GPR17: variants seen among roughly 807,000 people sequenced by gnomAD.
GPR17 encodes G protein-coupled receptor 17.
A neutral mutation model predicts 1.5 loss-of-function variants in GPR17; 4 were observed. The observed-to-expected ratio is 2.73, with a 90% CI of 1.35 to 6.25. The LOEUF (loss-of-function observed/expected upper bound fraction) is 6.25, where lower values mean the gene tolerates loss of function less well. GPR17 is among the 30% of genes most tolerant of loss of function. The pLI is 0.00. For missense variants in GPR17, 463 were observed against 462.1 expected, an observed-to-expected ratio of 1.00 and a Z score of -0.02; for synonymous variants, 209 against 207.6, an observed-to-expected ratio of 1.01 and a Z score of -0.06.
At position 127,648,693 on chromosome 2, in the gene GPR17, G is replaced by A. The variant is rs535776178; in HGVS notation, c.-20-2023G>A. ...AAGGAGCACTTTGGGAGGCCAAGGA[G>A]AGAGGATCACTTGAGCCCAGGAGTT... On this transcript the variant is annotated intron_variant, in intron 1 of 1. Coordinates refer to ENST00000486700, the MANE Select transcript of GPR17 (RefSeq NM_001161417.2). 3.9e-5 allele frequency among the ~76,000 whole-genome samples: 6 copies of A among 152,168 alleles called. No homozygotes were observed. The East Asian group carries it at 1.2e-3, about 30-fold the overall frequency.
intron 1 of GPR17, chr2:127,649,887 T>C (rs1483487951): frequency 6.4e-6 from 5 of 780,368 alleles, no homozygotes; most frequent in Non-Finnish European, 8.4e-6. Flanking sequence ...GTAAAATGGG[T>C]CTTCCCCTCC....
chr2:127,650,972 G>A lies in GPR17; in HGVS notation c.237G>A (p.Ser79=), dbSNP rs560171965. ...TGCATCTGGCCGTGGCCGACTTGTC[G>A]TGCGTGCTGGTCCTGCCCACCCGCC... ...FLMHLAVADL[S]CVLVLPTRLV... The change falls in exon 2 of 2, where the codon TCG becomes TCA. Residue 79 remains serine (S), a synonymous_variant. Coordinates refer to ENST00000486700, the MANE Select transcript of GPR17 (RefSeq NM_001161417.2). 95 of 1,613,782 alleles carry A rather than the reference G, an allele frequency of 5.9e-5. No homozygotes were observed. Among genetic ancestry groups the A allele is most frequent in the Admixed American group, 3.5e-4 (21 of 60,034 alleles).
intron 1 of GPR17, among the ~76,000 whole-genome samples, chr2:127,649,651 C>T (rs1445376966): frequency 1.3e-5 from 2 of 152,218 alleles, no homozygotes; most frequent in African/African-American, 4.8e-5. Context: ...TCTCCTTCTT[C>T]AATCTTCTGA....
rs1683730116 is a variant in GPR17, at chr2:127,651,166, G to A, written c.431G>A (p.Arg144Lys). The change falls in exon 2 of 2, where the codon AGG (arginine) becomes AAG (lysine). Residue 144 changes from arginine (R) to lysine (K), a missense_variant. By Grantham distance (26) the Arg-to-Lys change is conservative. Coordinates refer to ENST00000486700, the MANE Select transcript of GPR17 (RefSeq NM_001161417.2). The stretch of plus-strand genomic sequence containing the variant: ...CCGGTCAAGTCCCTCAAGCTCCGCA[G>A]GCCCCTCTACGCACACCTGGCCTGT... ...VHPVKSLKLR[R>K]PLYAHLACAF... The A allele has an allele frequency of 6.2e-7, 1 of 1,612,640 alleles. No individual in the cohort carries two copies. The highest frequency in any genetic ancestry group is 1.3e-5 in the African/African-American group (1 of 74,934).
rs1470689120 is a variant in GPR17, at chr2:127,651,148, A to G, written c.413A>G (p.Lys138Arg). 1 of 1,613,188 alleles carries G rather than the reference A, an allele frequency of 6.2e-7. No individual in the cohort carries two copies. Reference sequence around the variant, plus strand: ...TTCCTGGCCATTGTGCACCCGGTCAAGTCCCTCAAGCTCCGCAGGCCCCTC... The same window carrying G: ...TTCCTGGCCATTGTGCACCCGGTCAGGTCCCTCAAGCTCCGCAGGCCCCTC... Reference protein sequence around the residue: ...DRFLAIVHPVKSLKLRRPLYA... With the variant: ...DRFLAIVHPVRSLKLRRPLYA... Residue 138 changes from lysine (K) to arginine (R), a missense_variant, in exon 2 of 2, where the codon AAG becomes AGG. Physicochemically the swap from Lys to Arg is conservative, Grantham distance 26 (BLOSUM62 2). Coordinates refer to ENST00000486700, the MANE Select transcript of GPR17 (RefSeq NM_001161417.2).
In GPR17 at chr2:127,650,979, C is replaced by T. The variant is rs1683705603; in HGVS notation, c.244C>T (p.Leu82=). 1 of 1,613,840 alleles carries T rather than the reference C, an allele frequency of 6.2e-7. No individual in the cohort carries two copies. The highest frequency in any genetic ancestry group is 8.5e-7 in the Non-Finnish European group (1 of 1,180,044). ...GGCCGTGGCCGACTTGTCGTGCGTG[C>T]TGGTCCTGCCCACCCGCCTGGTCTA... ...HLAVADLSCV[L]VLPTRLVYHF... Residue 82 remains leucine, a synonymous_variant, in exon 2 of 2, where the codon CTG becomes TTG. Coordinates refer to ENST00000486700, the MANE Select transcript of GPR17 (RefSeq NM_001161417.2).
Position 127,650,872 on chromosome 2 carries a change from T to C in GPR17, c.137T>C (p.Leu46Ser), listed in dbSNP as rs1391844734. ...TACCTTCTGGATTTTATCCTGGCTTTAGTTGGCAATACCCTGGCTCTGTGG... is the reference window on the plus strand; with the variant it reads ...TACCTTCTGGATTTTATCCTGGCTTCAGTTGGCAATACCCTGGCTCTGTGG... ...SFYLLDFILA[L>S]VGNTLALWLF... is the part of the protein sequence containing the mutation. Residue 46 changes from leucine (L) to serine (S), a missense_variant, in exon 2 of 2, where the codon TTA becomes TCA. Transcript: ENST00000486700. The C allele has an allele frequency of 1.9e-6, 3 of 1,614,108 alleles. No individual in the cohort carries two copies. Among genetic ancestry groups the C allele is most frequent in the East Asian group, 2.2e-5 (1 of 44,870 alleles).
At chr2:127,648,528 G>A (rs1265902652) in intron 1 of GPR17, among the ~76,000 whole-genome samples, 2 of 152,082 alleles carry the variant, frequency 1.3e-5, no homozygotes, top group Non-Finnish European at 2.9e-5. Context: ...CCTCCTCGAG[G>A]GGCTGCTGTG....
chr2:127,648,277 A>T, intron 1 of GPR17: 1 of 832,048 alleles, frequency 1.2e-6, no homozygotes. Context: ...GCCGGGGGCA[A>T]TCTTTTCAGG....
In GPR17 at chr2:127,646,210, AC is replaced by A. The variant is rs2105230359; in HGVS notation, c.-51del. The A allele has an allele frequency of 6.6e-6, 1 of 151,984 alleles. No individual in the cohort carries two copies. Among genetic ancestry groups the A allele is most frequent in the African/African-American group, 2.4e-5 (1 of 41,380 alleles). The allele number at this position is 151,984 out of a possible 1,614,324, so 9.4% of individuals were successfully genotyped here. A position where few individuals can be genotyped will look rare whatever the true frequency, so the allele number is the denominator to read the frequency against. On this transcript the variant is annotated 5_prime_UTR_variant, in exon 1 of 2. Transcript: ENST00000486700. ...GCGGAGATCACCTGCTGCCCCGCAGACCCCTGTCCCTTCCTCCCGGACCAGC... is the reference window on the plus strand; with the variant it reads ...GCGGAGATCACCTGCTGCCCCGCAGACCCTGTCCCTTCCTCCCGGACCAGC...
rs772907394 is a variant in GPR17 at position 127,650,832 on chromosome 2, C to T, written c.97C>T (p.Leu33=). The part of the protein sequence containing the change: ...CGQETPLENM[L]FASFYLLDFI... ...CCAGGAGACGCCACTGGAGAACATG[C>T]TGTTCGCCTCCTTCTACCTTCTGGA... The change falls in exon 2 of 2, where the codon CTG becomes TTG. Residue 33 remains leucine, a synonymous_variant. Coordinates refer to ENST00000486700, the MANE Select transcript of GPR17 (RefSeq NM_001161417.2). 10 of 1,613,948 alleles carry T rather than the reference C, an allele frequency of 6.2e-6. No homozygotes were observed. In the South Asian group the frequency reaches 1.1e-4, roughly 18 times the overall value.
At chr2:127,650,039 T>C (rs143946169) in intron 1 of GPR17, 26 of 1,608,796 alleles carry the variant, frequency 1.6e-5, no homozygotes, top group South Asian at 5.5e-5. Context: ...GTGGGCTGGA[T>C]CCAGAAAGCC....
intron 1 of GPR17, among the ~76,000 whole-genome samples, chr2:127,649,251 GA>G (rs1375960607): frequency 6.7e-6 from 1 of 149,358 alleles, no homozygotes; most frequent in Admixed American, 6.6e-5. Context: ...CTGCAGGCAG[GA>G]CCCCGGCTGT....
chr2:127,648,218 G>A lies in GPR17; in HGVS notation c.-21+1974G>A, dbSNP rs1170778239. 4.1e-6 allele frequency: 4 copies of A among 985,182 alleles called. No homozygotes were observed. The African/African-American group carries it at 7.0e-5, about 17-fold the overall frequency. 61.0% of individuals were successfully genotyped at this position (985,182 alleles called of 1,614,324 possible). A position where few individuals can be genotyped will look rare whatever the true frequency, so the allele number is the denominator to read the frequency against. Reference sequence around the variant, plus strand: ...ACAGACCCTGTTCCTGGAAGCAGCAGGAAACCATCTCTGGTGTTAGAACTT... The same window carrying A: ...ACAGACCCTGTTCCTGGAAGCAGCAAGAAACCATCTCTGGTGTTAGAACTT... On this transcript the variant is annotated intron_variant, in intron 1 of 1. Transcript: ENST00000486700.
Position 127,651,066 on chromosome 2 carries a change from T to C in GPR17, c.331T>C (p.Phe111Leu). 6.2e-7 allele frequency: 1 copy of C among 1,613,820 alleles called. No homozygotes were observed. The highest frequency in any genetic ancestry group is 8.5e-7 in the Non-Finnish European group (1 of 1,180,042). The part of the protein sequence containing the change: ...EIACRLTGFL[F>L]YLNMYASIYF... ...CGCATGCCGTCTCACCGGCTTCCTCTTCTACCTCAACATGTACGCCAGCAT... is the reference window on the plus strand; with the variant it reads ...CGCATGCCGTCTCACCGGCTTCCTCCTCTACCTCAACATGTACGCCAGCAT... Residue 111 changes from phenylalanine (F) to leucine (L), a missense_variant, in exon 2 of 2, where the codon TTC becomes CTC. Transcript: ENST00000486700.
In GPR17 at chr2:127,651,272, G is replaced by A. The variant is rs1683749714; in HGVS notation, c.537G>A (p.Val179=). The change falls in exon 2 of 2, where the codon GTG becomes GTA. Residue 179 remains valine, a synonymous_variant. Transcript: ENST00000486700. ...AGACCGTGCAGACCAACCACACGGT[G>A]GTCTGCCTGCAGCTGTACCGGGAGA... ...SPQTVQTNHT[V]VCLQLYREKA... is the part of the protein sequence containing the mutation. The A allele has an allele frequency of 6.2e-7, 1 of 1,606,670 alleles. No homozygotes were observed. Among genetic ancestry groups the A allele is most frequent in the Admixed American group, 1.7e-5 (1 of 59,986 alleles).
At position 127,651,602 on chromosome 2, in the gene GPR17, C is replaced by A; in HGVS notation, c.867C>A (p.Asn289Lys). ...TCACCTCCTGCCTCACCAGCCTCAA[C>A]GGGGCACTCGACCCCATCATGTATT... Reference protein sequence around the residue: ...NRITSCLTSLNGALDPIMYFF... With the variant: ...NRITSCLTSLKGALDPIMYFF... The change falls in exon 2 of 2, where the codon AAC (asparagine) becomes AAA (lysine). Residue 289 changes from asparagine (N) to lysine (K), a missense_variant. Coordinates refer to ENST00000486700, the MANE Select transcript of GPR17 (RefSeq NM_001161417.2). 6.2e-7 allele frequency: 1 copy of A among 1,613,486 alleles called. No homozygotes were observed. The highest frequency in any genetic ancestry group is 8.5e-7 in the Non-Finnish European group (1 of 1,180,048).
At chr2:127,650,003 C>T in intron 1 of GPR17, 1 of 1,605,994 alleles carries the variant, frequency 6.2e-7, no homozygotes, top group Non-Finnish European at 8.5e-7. Context: ...GGTCTCCCCA[C>T]CTGTCAGGAT....
chr2:127,651,707 C>T lies in GPR17; in HGVS notation c.972C>T (p.Phe324=), dbSNP rs141862770. 3,616 of 1,613,094 alleles carry T rather than the reference C, an allele frequency of 2.2e-3. 12 individuals carry two copies. Among genetic ancestry groups the T allele is most frequent in the Non-Finnish European group, 2.7e-3 (3,198 of 1,180,022 alleles). ...GKRLKGPPPS[F]EGKTNESSLS... Reference sequence around the variant, plus strand: ...GGCTCAAGGGCCCGCCCCCCAGCTTCGAAGGGAAAACCAACGAGAGCTCGC... The same window carrying T: ...GGCTCAAGGGCCCGCCCCCCAGCTTTGAAGGGAAAACCAACGAGAGCTCGC... The change falls in exon 2 of 2, where the codon TTC becomes TTT. Residue 324 remains phenylalanine, a synonymous_variant. Transcript: ENST00000486700.
Sources: allele counts gnomAD v4.1 joint callset (sites outside exome capture counted in the v4.1 genomes callset), GRCh38; gene constraint gnomAD v4.1.1; transcripts MANE v1.5; gene names NCBI Gene and HGNC (gene_info 2026-07-23, HGNC 2026-07-21).